The following NBEAL1 variants were observed in gnomAD, a reference collection of about 807,000 sequenced individuals.
The protein encoded by NBEAL1 is neurobeachin like 1, also known as neurobeachin-like protein 1.
Under a neutral mutation model 351.3 loss-of-function variants are expected in NBEAL1, and 273 were observed. The ratio of observed to expected loss-of-function variants is 0.78; its 90% CI spans 0.70 to 0.86. The LOEUF is 0.86. Among genes scored for constraint, NBEAL1 ranks in the 40% least tolerant of loss-of-function variants. The pLI is 0.00. For synonymous variants in NBEAL1, 1,050 were observed against 1,086.4 expected (o/e 0.97, Z 0.66); for missense variants, 2,961 against 3,201.3 (o/e 0.92, Z 1.81).
intron 9 of NBEAL1, among the ~76,000 whole-genome samples, chr2:203,084,251 C>T: frequency 6.6e-6 from 1 of 152,028 alleles, no homozygotes; most frequent in East Asian, 1.9e-4. Flanking sequence ...TATTTATATC[C>T]TGCCACTCAC....
intron 2 of NBEAL1, among the ~76,000 whole-genome samples, chr2:203,033,014 T>C (rs1177257255): frequency 6.6e-6 from 1 of 151,688 alleles, no homozygotes; most frequent in Non-Finnish European, 1.5e-5. Context: ...TTAATTTTAT[T>C]TTTTGAGACG....
Position 203,062,039 on chromosome 2 carries a change from T to C in NBEAL1, c.515+4586T>C. ...AATAGTTTGTGTCCAGAGTGAGATA[T>C]AATATACCTGTGAAGAGATGCATGA... On this transcript the variant is annotated intron_variant, in intron 6 of 55. Transcript: ENST00000683969. This position sits in a 1 kb window ranked among gnomAD's most constrained non-coding sequence, Gnocchi z 4.2. 1 of 347,916 alleles carries C rather than the reference T, an allele frequency of 2.9e-6. No homozygotes were observed. Among genetic ancestry groups the C allele is most frequent in the Non-Finnish European group, 5.6e-6 (1 of 179,640 alleles). 21.6% of individuals were successfully genotyped at this position (347,916 alleles called of 1,614,324 possible). A position where few individuals can be genotyped will look rare whatever the true frequency, so the allele number is the denominator to read the frequency against.
At chr2:203,212,626 C>T (rs2065818266) in intron 54 of NBEAL1, among the ~76,000 whole-genome samples, 1 of 147,214 alleles carries the variant, frequency 6.8e-6, no homozygotes, top group African/African-American at 2.5e-5. Context: ...AAAAAAAAGA[C>T]TAGTTGGGGA....
At chr2:203,075,331 C>T (rs375617627) in intron 7 of NBEAL1, among the ~76,000 whole-genome samples, 4 of 152,142 alleles carry the variant, frequency 2.6e-5, no homozygotes, top group African/African-American at 9.6e-5. Context: ...TATTTCTTGC[C>T]TACTTTGTCA....
At chr2:203,021,525 G>A (rs1283654540) in intron 2 of NBEAL1, among the ~76,000 whole-genome samples, 3 of 151,920 alleles carry the variant, frequency 2.0e-5, no homozygotes, top group Non-Finnish European at 2.9e-5. Context: ...AACCCGGGAA[G>A]TGTAGGTTGC....
intron 44 of NBEAL1, among the ~76,000 whole-genome samples, chr2:203,183,693 T>C (rs2064802209): frequency 6.6e-6 from 1 of 152,074 alleles, no homozygotes; most frequent in Non-Finnish European, 1.5e-5. Flanking sequence ...TGTAGTTTGG[T>C]GTTTTACAGT....
At position 203,199,358 on chromosome 2, in the gene NBEAL1, T is replaced by A. The variant is rs924086208; in HGVS notation, c.7149T>A (p.Tyr2383Ter). 1 of 1,589,894 alleles carries A rather than the reference T, an allele frequency of 6.3e-7. No homozygotes were observed. The highest frequency in any genetic ancestry group is 8.6e-7 in the Non-Finnish European group (1 of 1,159,580). ...TCCAGATAACAATAAGCATGAATTA[T>A]GTTATTGGAACCCATGGATGGTTGC... ...PELLITISMN[Y>*]VIGTHGWLPY... Residue 2383 changes from tyrosine to a stop codon, truncating the protein, a stop_gained, in exon 49 of 56, where the codon TAT becomes TAA. Transcript: ENST00000683969. LOFTEE classifies it high-confidence loss of function.
intron 46 of NBEAL1, chr2:203,190,637 G>A: frequency 2.1e-6 from 2 of 951,970 alleles, no homozygotes; most frequent in African/African-American, 1.7e-5. Flanking sequence ...GCTAACATCT[G>A]CCCAAAAAGG....
intron 44 of NBEAL1, among the ~76,000 whole-genome samples, chr2:203,184,981 C>T (rs1407899065): frequency 4.6e-5 from 7 of 151,768 alleles, no homozygotes; most frequent in Admixed American, 3.3e-4. Flanking sequence ...CATTAGGGAC[C>T]AGAGATGTAC....
chr2:203,159,249 C>T (rs917650155), intron 36 of NBEAL1, among the ~76,000 whole-genome samples: 4 of 152,086 alleles, frequency 2.6e-5, no homozygotes, highest in Non-Finnish European at 2.9e-5. Flanking sequence ...ATTTTTAATG[C>T]ATACAATACA....
rs1437866912 is a variant in NBEAL1 at position 203,116,066 on chromosome 2, C to G, written c.2588C>G (p.Ala863Gly). Residue 863 changes from alanine (A) to glycine (G), a missense_variant, in exon 18 of 56, where the codon GCA becomes GGA. Ala to Gly is a moderately conservative substitution (Grantham distance 60, BLOSUM62 0). Coordinates refer to ENST00000683969, the MANE Select transcript of NBEAL1 (RefSeq NM_001378026.1). Reference sequence around the variant, plus strand: ...GGTAACATCCTTCTTTACTACACAGCAAAGGTCAGAGTAAATTTGTGAACT... The same window carrying G: ...GGTAACATCCTTCTTTACTACACAGGAAAGGTCAGAGTAAATTTGTGAACT... Reference protein sequence around the residue: ...LPGNILLYYTAKACKNSICLD... With the variant: ...LPGNILLYYTGKACKNSICLD... 1.9e-6 allele frequency: 3 copies of G among 1,549,946 alleles called. No homozygotes were observed. The highest frequency in any genetic ancestry group is 2.7e-5 in the African/African-American group (2 of 73,192).
chr2:203,162,004 T>TTTTGA (rs1399682735), intron 36 of NBEAL1, among the ~76,000 whole-genome samples: 1 of 151,404 alleles, frequency 6.6e-6, no homozygotes, highest in African/African-American at 2.4e-5. Context: ...TTTTGTTTTG[T>TTTTGA]TTTGATTTGA....
chr2:203,059,327 C>CT (rs1202082136), intron 6 of NBEAL1, among the ~76,000 whole-genome samples: 2 of 152,130 alleles, frequency 1.3e-5, no homozygotes, highest in Admixed American at 1.3e-4. Flanking sequence ...GCTTCAGTAA[C>CT]AAACAAGGGG....
At chr2:203,128,832 G>A (rs1436275513) in intron 24 of NBEAL1, among the ~76,000 whole-genome samples, 8 of 151,630 alleles carry the variant, frequency 5.3e-5, no homozygotes, top group African/African-American at 1.7e-4. Flanking sequence ...TCTTGACCTC[G>A]TGATCCGCCC....
chr2:203,182,999 A>G (rs936671132), intron 43 of NBEAL1: 2 of 198,222 alleles, frequency 1.0e-5, no homozygotes, highest in Non-Finnish European at 2.0e-5. Flanking sequence ...TAAGAAGAAA[A>G]CTTAATTTTG....
intron 10 of NBEAL1, among the ~76,000 whole-genome samples, chr2:203,096,905 T>C (rs932987457): frequency 1.3e-5 from 2 of 152,190 alleles, no homozygotes; most frequent in African/African-American, 2.4e-5. Flanking sequence ...TTGGTTTGTG[T>C]CAGTAACAGC....
At chr2:203,190,642 A>C in intron 46 of NBEAL1, 1 of 410,130 alleles carries the variant, frequency 2.4e-6, no homozygotes, top group Non-Finnish European at 3.2e-6. Flanking sequence ...CATCTGCCCA[A>C]AAAGGCACTT....
intron 2 of NBEAL1, among the ~76,000 whole-genome samples, chr2:203,025,019 C>T (rs1256992196): frequency 1.2e-4 from 19 of 152,164 alleles, no homozygotes; most frequent in Non-Finnish European, 2.9e-5. Flanking sequence ...CAAACTGCTA[C>T]TAAAGTTTGT....
chr2:203,151,985 TCTCA>T (rs2063666756), intron 35 of NBEAL1, among the ~76,000 whole-genome samples: 2 of 152,062 alleles, frequency 1.3e-5, no homozygotes, highest in Non-Finnish European at 2.9e-5. Flanking sequence ...GAGACAAAAG[TCTCA>T]CTCTGTCGCC....
Sources: gnomAD v4.1 joint callset for allele counts (sites outside exome capture counted in the v4.1 genomes callset) on GRCh38, gnomAD v4.1.1 for gene constraint, Gnocchi (gnomAD v3.1) non-coding constraint, MANE v1.5 for transcripts, NCBI Gene and HGNC (gene_info 2026-07-23, HGNC 2026-07-21) for gene names.